Variants in FBXL7 observed in about 807,000 individuals in gnomAD.
The protein encoded by FBXL7 is F-box and leucine rich repeat protein 7.
Under a neutral mutation model 38.3 loss-of-function variants are expected in FBXL7, and 12 were observed. The observed-to-expected ratio is 0.31, with a 90% CI of 0.20 to 0.51. The LOEUF is 0.51. Ranked by LOEUF, FBXL7 falls within the 20% of genes least tolerant of loss-of-function variation. FBXL7 has a pLI of 0.98. For synonymous variants in FBXL7, 297 were observed against 300.9 expected, an observed-to-expected ratio of 0.99 and a Z score of 0.13; for missense variants, 567 against 676.4, an observed-to-expected ratio of 0.84 and a Z score of 1.79.
At position 15,572,493 on chromosome 5, in the gene FBXL7, C is replaced by T. The variant is rs915219847; in HGVS notation, c.38-43490C>T. Among the ~76,000 whole-genome samples, 68 of 152,056 alleles carry T rather than the reference C, an allele frequency of 4.5e-4. 1 individual carries two copies. Among genetic ancestry groups the T allele is most frequent in the Admixed American group, 4.5e-3 (68 of 15,278 alleles). The stretch of plus-strand genomic sequence containing the variant: ...TACTGCCCTCAAATGTGCAGCAACC[C>T]ACCTAACTCCTCCACTGAAATATCA... On this transcript the variant is annotated intron_variant, in intron 1 of 3. Coordinates refer to ENST00000504595, the MANE Select transcript of FBXL7 (RefSeq NM_012304.5).
chr5:15,719,725 A>C (rs557898754), intron 2 of FBXL7, among the ~76,000 whole-genome samples: 1 of 148,978 alleles, frequency 6.7e-6, no homozygotes, highest in African/African-American at 2.4e-5. Context: ...GACGGCACTT[A>C]TTTGTCAATT....
intron 2 of FBXL7, among the ~76,000 whole-genome samples, chr5:15,686,928 G>C (rs1261851744): frequency 6.6e-6 from 1 of 152,218 alleles, no homozygotes; most frequent in Non-Finnish European, 1.5e-5. Context: ...TTAGAATTAA[G>C]TGAAGACAAT....
At position 15,639,187 on chromosome 5, in the gene FBXL7, T is replaced by A. The variant is rs569596215; in HGVS notation, c.127+23115T>A. Among the ~76,000 whole-genome samples, 5 of 152,320 alleles carry A rather than the reference T, an allele frequency of 3.3e-5. No individual in the cohort carries two copies. The South Asian group carries it at 1.0e-3, about 32-fold the overall frequency. On this transcript the variant is annotated intron_variant, in intron 2 of 3. Coordinates refer to ENST00000504595, the MANE Select transcript of FBXL7 (RefSeq NM_012304.5). ...TGCATAGTACACCTGGATCTTTGTA[T>A]CCAGAAATATGTTCAAGACTGAGCT...
chr5:15,699,595 G>A (rs745894773), intron 2 of FBXL7, among the ~76,000 whole-genome samples: 49 of 152,328 alleles, frequency 3.2e-4, no homozygotes, highest in Non-Finnish European at 4.6e-4. Flanking sequence ...CTTTTTGAAA[G>A]ACACAAACCC....
At position 15,547,638 on chromosome 5, in the gene FBXL7, T is replaced by C. The variant is rs117658561; in HGVS notation, c.37+46925T>C. On this transcript the variant is annotated intron_variant, in intron 1 of 3. Coordinates refer to ENST00000504595, the MANE Select transcript of FBXL7 (RefSeq NM_012304.5). ...GCACACACTCCACTTCCACTGCTGC[T>C]CAGGGACCTTGGAAAGCAGCCTGCC... is the stretch of plus-strand genomic sequence containing the variant. Among the ~76,000 whole-genome samples the C allele has an allele frequency of 3.7e-4, 57 of 152,280 alleles. No homozygotes were observed. The East Asian group carries it at 0.01, about 27-fold the overall frequency.
chr5:15,787,468 T>C (rs960786172), intron 2 of FBXL7, among the ~76,000 whole-genome samples: 1 of 152,074 alleles, frequency 6.6e-6, no homozygotes, highest in African/African-American at 2.4e-5. Context: ...AGCAGAGCCA[T>C]GACAGAGGAG....
intron 2 of FBXL7, among the ~76,000 whole-genome samples, chr5:15,787,098 C>T (rs1217120027): frequency 6.6e-6 from 1 of 152,134 alleles, no homozygotes; most frequent in Non-Finnish European, 1.5e-5. Context: ...GGATTCTTCC[C>T]TAGAGCCTTC....
At chr5:15,850,818 G>T (rs1739071743) in intron 2 of FBXL7, among the ~76,000 whole-genome samples, 1 of 152,214 alleles carries the variant, frequency 6.6e-6, no homozygotes, top group South Asian at 2.1e-4. Context: ...TCCACAGGCT[G>T]ATCTATGCTT....
At chr5:15,726,488 T>A (rs1192051026) in intron 2 of FBXL7, among the ~76,000 whole-genome samples, 1 of 151,036 alleles carries the variant, frequency 6.6e-6, no homozygotes, top group Non-Finnish European at 1.5e-5. Flanking sequence ...AGATCAGGAG[T>A]TCGAGACCAG....
intron 2 of FBXL7, among the ~76,000 whole-genome samples, chr5:15,641,287 A>T (rs1741362188): frequency 6.6e-6 from 1 of 152,172 alleles, no homozygotes; most frequent in African/African-American, 2.4e-5. Context: ...AGTTGGGTAC[A>T]TTTGTGTAGA....
At chr5:15,858,736 T>C (rs1739347810) in intron 2 of FBXL7, among the ~76,000 whole-genome samples, 1 of 152,180 alleles carries the variant, frequency 6.6e-6, no homozygotes, top group Non-Finnish European at 1.5e-5. Context: ...ATTATTTTGA[T>C]TTTTTGAGTC....
At chr5:15,510,928 A>G (rs1250761957) in intron 1 of FBXL7, among the ~76,000 whole-genome samples, 2 of 151,928 alleles carry the variant, frequency 1.3e-5, no homozygotes, top group South Asian at 2.1e-4. Flanking sequence ...TTAGATGCCA[A>G]CTCCCTACCC....
chr5:15,705,694 T>C (rs1432408191), intron 2 of FBXL7, among the ~76,000 whole-genome samples: 1 of 152,182 alleles, frequency 6.6e-6, no homozygotes, highest in Non-Finnish European at 1.5e-5. Context: ...GATTGATTGC[T>C]CAATTGATGG....
chr5:15,543,112 A>G (rs1427958448), intron 1 of FBXL7, among the ~76,000 whole-genome samples: 1 of 152,196 alleles, frequency 6.6e-6, no homozygotes, highest in African/African-American at 2.4e-5. Context: ...AAAGAAAATC[A>G]GTGTATTAGT....
At chr5:15,915,580 A>G (rs765167082) in intron 2 of FBXL7, among the ~76,000 whole-genome samples, 10 of 152,200 alleles carry the variant, frequency 6.6e-5, no homozygotes, top group Non-Finnish European at 1.5e-4. Flanking sequence ...TTAACCTAAT[A>G]CGTCAATAGA....
At chr5:15,553,631 A>C (rs1738150770) in intron 1 of FBXL7, among the ~76,000 whole-genome samples, 1 of 152,246 alleles carries the variant, frequency 6.6e-6, no homozygotes, top group Non-Finnish European at 1.5e-5. Context: ...TTTACAGATG[A>C]GCAAGCTGAG....
At chr5:15,886,420 C>T (rs1740681354) in intron 2 of FBXL7, among the ~76,000 whole-genome samples, 1 of 152,114 alleles carries the variant, frequency 6.6e-6, no homozygotes, top group African/African-American at 2.4e-5. Flanking sequence ...TAAAATCAGG[C>T]AAAGGGACTT....
At chr5:15,595,314 G>T (rs1739596894) in intron 1 of FBXL7, among the ~76,000 whole-genome samples, 1 of 152,152 alleles carries the variant, frequency 6.6e-6, no homozygotes, top group African/African-American at 2.4e-5. Flanking sequence ...AATGGATCGG[G>T]AGGGGAAGAG....
intron 2 of FBXL7, among the ~76,000 whole-genome samples, chr5:15,822,134 C>T (rs1158899338): frequency 1.3e-5 from 2 of 150,314 alleles, no homozygotes; most frequent in Admixed American, 1.3e-4. Context: ...AGGCGAATCA[C>T]GAGGTCAGGA....
Sources: allele counts gnomAD v4.1 joint callset (sites outside exome capture counted in the v4.1 genomes callset), GRCh38; gene constraint gnomAD v4.1.1; transcripts MANE v1.5; gene names NCBI Gene and HGNC (gene_info 2026-07-23, HGNC 2026-07-21).